The following JRKL variants were observed in gnomAD, a reference collection of about 807,000 sequenced individuals.
The protein encoded by JRKL is jerky protein homolog-like.
Under a neutral mutation model 34.7 loss-of-function variants are expected in JRKL, and 25 were observed. The observed-to-expected ratio is 0.72, with a 90% CI of 0.53 to 1.01. The LOEUF (loss-of-function observed/expected upper bound fraction) is 1.01. Ranked by LOEUF, JRKL falls within the 50% of genes least tolerant of loss-of-function variation. JRKL has a pLI of 0.00. For synonymous variants in JRKL, 204 were observed against 212.8 expected, an observed-to-expected ratio of 0.96 and a Z score of 0.36; for missense variants, 495 against 615.7, an observed-to-expected ratio of 0.80 and a Z score of 2.07.
rs1866559060 is a variant in JRKL at position 96,392,367 on chromosome 11, A to G, written c.*143A>G. 2 of 1,201,744 alleles carry G rather than the reference A, an allele frequency of 1.7e-6. No individual in the cohort carries two copies. Among genetic ancestry groups the G allele is most frequent in the Non-Finnish European group, 2.2e-6 (2 of 889,156 alleles). The allele number at this position is 1,201,744 out of a possible 1,614,324, so 74.4% of individuals were successfully genotyped here. A position where few individuals can be genotyped will look rare whatever the true frequency, so the allele number is the denominator to read the frequency against. On this transcript the variant is annotated 3_prime_UTR_variant, in exon 2 of 2. Transcript: ENST00000332349. The stretch of plus-strand genomic sequence containing the variant: ...ATGTATCTGAAGTGGTTTGAGGATT[A>G]TGTGTTTTCATCATCTGTGTCTTTT...
Position 96,392,875 on chromosome 11 carries a change from G to C in JRKL, c.*651G>C, listed in dbSNP as rs939826200. The C allele has an allele frequency of 6.0e-6, 1 of 166,890 alleles. No homozygotes were observed. Among genetic ancestry groups the C allele is most frequent in the East Asian group, 1.9e-4 (1 of 5,202 alleles). The allele number at this position is 166,890 out of a possible 1,614,324, so 10.3% of individuals were successfully genotyped here. A position where few individuals can be genotyped will look rare whatever the true frequency, so the allele number is the denominator to read the frequency against. On this transcript the variant is annotated 3_prime_UTR_variant, in exon 2 of 2. Coordinates refer to ENST00000332349, the MANE Select transcript of JRKL (RefSeq NM_001261833.2). ...TATGGGAAAGCTGATCTATAAAGAG[G>C]CATTCTGATCAATTCATTTGTAGGA...
chr11:96,390,999 G>T lies in JRKL; in HGVS notation c.350G>T (p.Gly117Val), dbSNP rs1303526392. The change falls in exon 2 of 2, where the codon GGT becomes GTT. Residue 117 changes from glycine to valine, a missense_variant. Transcript: ENST00000332349. ...TTCTTTTATGCTTTGGGAATGGATG[G>T]TGATTTTAACCCCTCTGCCGGTTGG... ...EFFFYALGMD[G>V]DFNPSAGWLT... 3.7e-6 allele frequency: 6 copies of T among 1,614,228 alleles called. No homozygotes were observed. Among genetic ancestry groups the T allele is most frequent in the Non-Finnish European group, 5.1e-6 (6 of 1,180,046 alleles).
At position 96,390,536 on chromosome 11, in the gene JRKL, G is replaced by A; in HGVS notation, c.-114G>A. The A allele has an allele frequency of 2.2e-6, 3 of 1,372,866 alleles. No individual in the cohort carries two copies. The highest frequency in any genetic ancestry group is 4.8e-5 in the East Asian group (2 of 41,456). 85.0% of individuals were successfully genotyped at this position (1,372,866 alleles called of 1,614,324 possible). ...AGGGGATCAGGGCCACCAGGTTGCT[G>A]GTAAGGATGAAAGACTGAGTGTGTT... On this transcript the variant is annotated 5_prime_UTR_variant, in exon 2 of 2. Transcript: ENST00000332349.
At position 96,392,271 on chromosome 11, in the gene JRKL, C is replaced by G; in HGVS notation, c.*47C>G. Reference sequence around the variant, plus strand: ...CTGCTCATTGTGTTTGTGACAAACTCTTTGCAATATGGCTTAATTTTCTTT... The same window carrying G: ...CTGCTCATTGTGTTTGTGACAAACTGTTTGCAATATGGCTTAATTTTCTTT... On this transcript the variant is annotated 3_prime_UTR_variant, in exon 2 of 2. Transcript: ENST00000332349. 1.3e-6 allele frequency: 2 copies of G among 1,498,092 alleles called. No homozygotes were observed. The highest frequency in any genetic ancestry group is 2.8e-5 in the African/African-American group (2 of 70,882). 92.8% of individuals were successfully genotyped at this position (1,498,092 alleles called of 1,614,324 possible). A position where few individuals can be genotyped will look rare whatever the true frequency, so the allele number is the denominator to read the frequency against.
rs548050725 is a variant in JRKL, at chr11:96,392,740, A to G, written c.*516A>G. ...TTCAATAATGGGGAAATAATTATGA[A>G]TTATAGAAATTATGCCTTCATTCTC... On this transcript the variant is annotated 3_prime_UTR_variant, in exon 2 of 2. Transcript: ENST00000332349. The G allele has an allele frequency of 2.4e-5, 4 of 167,210 alleles. No homozygotes were observed. The highest frequency in any genetic ancestry group is 9.6e-5 in the African/African-American group (4 of 41,572). The allele number at this position is 167,210 out of a possible 1,614,324, so 10.4% of individuals were successfully genotyped here. A position where few individuals can be genotyped will look rare whatever the true frequency, so the allele number is the denominator to read the frequency against.
At position 96,393,038 on chromosome 11, in the gene JRKL, A is replaced by G. The variant is rs1487131557; in HGVS notation, c.*814A>G. 6.0e-6 allele frequency: 1 copy of G among 165,880 alleles called. No individual in the cohort carries two copies. Among genetic ancestry groups the G allele is most frequent in the Non-Finnish European group, 1.5e-5 (1 of 67,942 alleles). 10.3% of individuals were successfully genotyped at this position (165,880 alleles called of 1,614,324 possible). ...GTTTATTATTTATTCATCTAATTTT[A>G]TAGTACAGGTTTTGTAATGTTACAT... On this transcript the variant is annotated 3_prime_UTR_variant, in exon 2 of 2. Transcript: ENST00000332349.
In JRKL at chr11:96,391,891, A is replaced by G. The variant is rs376294265; in HGVS notation, c.1242A>G (p.Leu414=). 4.3e-6 allele frequency: 7 copies of G among 1,613,896 alleles called. No individual in the cohort carries two copies. Among genetic ancestry groups the G allele is most frequent in the Non-Finnish European group, 5.9e-6 (7 of 1,180,042 alleles). ...CTGTGGCTACTGTGGCTGCCATTTTACAACACACCAAAGGATTGGAAAATG... is the reference window on the plus strand; with the variant it reads ...CTGTGGCTACTGTGGCTGCCATTTTGCAACACACCAAAGGATTGGAAAATG... ...DISVATVAAI[L]QHTKGLENVT... Residue 414 remains leucine (L), a synonymous_variant, in exon 2 of 2, where the codon TTA becomes TTG. Coordinates refer to ENST00000332349, the MANE Select transcript of JRKL (RefSeq NM_001261833.2).
At chr11:96,390,117 G>C (rs1866479317) in intron 1 of JRKL, 44 bp downstream of exon 1, 1 of 154,484 alleles carries the variant, frequency 6.5e-6, no homozygotes, top group Admixed American at 6.5e-5. Flanking sequence ...TGGGAGGACT[G>C]TCCCGGCTAA....
chr11:96,390,340 T>G (rs766738782), intron 1 of JRKL, 143 bp from the exon 2 acceptor site: 20 of 243,802 alleles, frequency 8.2e-5, no homozygotes, highest in Non-Finnish European at 1.5e-4. Flanking sequence ...GGGGGTATAG[T>G]CTTTCTCACG....
rs149693407 is a variant in JRKL, at chr11:96,391,426, T to C, written c.777T>C (p.Leu259=). The C allele has an allele frequency of 6.4e-7, 1 of 1,551,746 alleles. No homozygotes were observed. Among genetic ancestry groups the C allele is most frequent in the African/African-American group, 1.4e-5 (1 of 73,180 alleles). Residue 259 remains leucine (L), a synonymous_variant, in exon 2 of 2, where the codon CTT becomes CTC. Transcript: ENST00000332349. The part of the protein sequence containing the change: ...YFSQKGAWMD[L]SIFRQWFDKI... ...GCCAAAAAGGTGCATGGATGGATCTTTCCATTTTCCGACAATGGTTTGATA... is the reference window on the plus strand; with the variant it reads ...GCCAAAAAGGTGCATGGATGGATCTCTCCATTTTCCGACAATGGTTTGATA...
In JRKL at chr11:96,391,490, A is replaced by G. The variant is rs1250990887; in HGVS notation, c.841A>G (p.Lys281Glu). The G allele has an allele frequency of 5.8e-6, 9 of 1,552,038 alleles. No homozygotes were observed. The highest frequency in any genetic ancestry group is 2.4e-5 in the East Asian group (1 of 40,940). ...VPQVREYLRSKGLQEKAVLLL... is the reference protein window; with the variant it reads ...VPQVREYLRSEGLQEKAVLLL... ...GCAAGTTCGAGAGTATTTAAGATCT[A>G]AAGGCTTGCAGGAAAAGGCTGTGCT... The change falls in exon 2 of 2, where the codon AAA becomes GAA. Residue 281 changes from lysine (K) to glutamate (E), a missense_variant. Lys to Glu is a moderately conservative substitution (Grantham distance 56). Transcript: ENST00000332349.
At position 96,392,375 on chromosome 11, in the gene JRKL, T is replaced by G; in HGVS notation, c.*151T>G. On this transcript the variant is annotated 3_prime_UTR_variant, in exon 2 of 2. Transcript: ENST00000332349. ...GAAGTGGTTTGAGGATTATGTGTTT[T>G]CATCATCTGTGTCTTTTGTCCTTTT... 8.9e-7 allele frequency: 1 copy of G among 1,128,868 alleles called. No individual in the cohort carries two copies. Among genetic ancestry groups the G allele is most frequent in the Non-Finnish European group, 1.2e-6 (1 of 824,630 alleles). The allele number at this position is 1,128,868 out of a possible 1,614,324, so 69.9% of individuals were successfully genotyped here.
In JRKL at chr11:96,393,424, A is replaced by C. The variant is rs775720364; in HGVS notation, c.*1200A>C. Among the ~76,000 whole-genome samples the C allele has an allele frequency of 6.6e-5, 10 of 152,058 alleles. No individual in the cohort carries two copies. The highest frequency in any genetic ancestry group is 1.5e-4 in the Non-Finnish European group (10 of 67,950). On this transcript the variant is annotated 3_prime_UTR_variant, in exon 2 of 2. Transcript: ENST00000332349. ...GATAAATTTTTTTTGTAAACTAAGTATGTTTATTCAAGACATTGAAACTAC... is the reference window on the plus strand; with the variant it reads ...GATAAATTTTTTTTGTAAACTAAGTCTGTTTATTCAAGACATTGAAACTAC...
Position 96,390,589 on chromosome 11 carries a change from AGAAG to A in JRKL, c.-54_-51del, listed in dbSNP as rs564359024. The A allele has an allele frequency of 1.5e-3, 2,272 of 1,529,200 alleles. No individual in the cohort carries two copies. Among genetic ancestry groups the A allele is most frequent in the Non-Finnish European group, 1.9e-3 (2,159 of 1,145,436 alleles). 94.7% of individuals were successfully genotyped at this position (1,529,200 alleles called of 1,614,324 possible). A position where few individuals can be genotyped will look rare whatever the true frequency, so the allele number is the denominator to read the frequency against. On this transcript the variant is annotated 5_prime_UTR_variant, in exon 2 of 2. Transcript: ENST00000332349. ...GACTGTTGAAGTGAGCCTGTGTAAG[AGAAG>A]GAAGGATTTTGTGGATTGCTACATT...
rs1194479457 is a variant in JRKL, at chr11:96,392,149, A to G, written c.1500A>G (p.Leu500=). ...TAGAACAACAAGGTGATATGATTCT[A>G]CCTGATAGACTGGTAATACGTAAAC... ...DYLEQQGDMI[L]PDRLVIRKLR... Residue 500 remains leucine (L), a synonymous_variant, in exon 2 of 2, where the codon CTA becomes CTG. Coordinates refer to ENST00000332349, the MANE Select transcript of JRKL (RefSeq NM_001261833.2). 1 of 1,612,846 alleles carries G rather than the reference A, an allele frequency of 6.2e-7. No individual in the cohort carries two copies. Among genetic ancestry groups the G allele is most frequent in the Admixed American group, 1.7e-5 (1 of 59,796 alleles).
chr11:96,393,359 A>G lies in JRKL; in HGVS notation c.*1135A>G, dbSNP rs1866573609. On this transcript the variant is annotated 3_prime_UTR_variant, in exon 2 of 2. Coordinates refer to ENST00000332349, the MANE Select transcript of JRKL (RefSeq NM_001261833.2). The stretch of plus-strand genomic sequence containing the variant: ...GTTTATTATTTTAATACATATAAAA[A>G]GGGATTAATCTGCTAAAATGTAATC... 6.0e-6 allele frequency: 1 copy of G among 166,932 alleles called. No homozygotes were observed. The highest frequency in any genetic ancestry group is 1.5e-5 in the Non-Finnish European group (1 of 68,014). 10.3% of individuals were successfully genotyped at this position (166,932 alleles called of 1,614,324 possible).
At position 96,391,010 on chromosome 11, in the gene JRKL, C is replaced by T; in HGVS notation, c.361C>T (p.Pro121Ser). 12 of 1,614,158 alleles carry T rather than the reference C, an allele frequency of 7.4e-6. No homozygotes were observed. The highest frequency in any genetic ancestry group is 1.0e-5 in the Non-Finnish European group (12 of 1,180,028). The change falls in exon 2 of 2, where the codon CCC becomes TCC. Residue 121 changes from proline to serine, a missense_variant. By Grantham distance (74) the Pro-to-Ser change is moderately conservative (BLOSUM62 -1). Transcript: ENST00000332349. ...TTTGGGAATGGATGGTGATTTTAACCCCTCTGCCGGTTGGCTAACTCGTTT... is the reference window on the plus strand; with the variant it reads ...TTTGGGAATGGATGGTGATTTTAACTCCTCTGCCGGTTGGCTAACTCGTTT... ...YALGMDGDFN[P>S]SAGWLTRFKQ...
At position 96,392,166 on chromosome 11, in the gene JRKL, T is replaced by C. The variant is rs1866555757; in HGVS notation, c.1517T>C (p.Ile506Thr). Residue 506 changes from isoleucine (I) to threonine (T), a missense_variant, in exon 2 of 2, where the codon ATA becomes ACA. By Grantham distance (89) the Ile-to-Thr change is moderately conservative. Transcript: ENST00000332349. ...ATGATTCTACCTGATAGACTGGTAATACGTAAACTTCGAGCCACCATCAGA... is the reference window on the plus strand; with the variant it reads ...ATGATTCTACCTGATAGACTGGTAACACGTAAACTTCGAGCCACCATCAGA... ...GDMILPDRLV[I>T]RKLRATIRNK... is the part of the protein sequence containing the mutation. 1 of 1,604,676 alleles carries C rather than the reference T, an allele frequency of 6.2e-7. No individual in the cohort carries two copies. Among genetic ancestry groups the C allele is most frequent in the Non-Finnish European group, 8.5e-7 (1 of 1,176,978 alleles).
Position 96,392,223 on chromosome 11 carries a change from A to G in JRKL, c.1574A>G (p.Ter525=). Reference sequence around the variant, plus strand: ...CAGAAGATGACAAAGTCAAGTCAATAATGTCATTTCAATTTTATTGTTCTG... The same window carrying G: ...CAGAAGATGACAAAGTCAAGTCAATGATGTCATTTCAATTTTATTGTTCTG... The part of the protein sequence containing the change: ...NKQKMTKSSQ[*] The change falls in exon 2 of 2, where the codon TAA becomes TGA. Residue 525 remains the stop codon, a stop_retained_variant. Transcript: ENST00000332349. 6.4e-7 allele frequency: 1 copy of G among 1,561,946 alleles called. No individual in the cohort carries two copies. The highest frequency in any genetic ancestry group is 8.6e-7 in the Non-Finnish European group (1 of 1,156,798).
Sources: allele counts gnomAD v4.1 joint callset (sites outside exome capture counted in the v4.1 genomes callset), GRCh38; gene constraint gnomAD v4.1.1; transcripts MANE v1.5; gene names NCBI Gene and HGNC (gene_info 2026-07-23, HGNC 2026-07-21).